The following PPP2R2D variants were observed in gnomAD, a reference collection of about 807,000 sequenced individuals.
The protein encoded by PPP2R2D is serine/threonine-protein phosphatase 2A 55 kDa regulatory subunit B delta isoform.
A neutral mutation model predicts 31.1 loss-of-function variants in PPP2R2D; 9 were observed. The ratio of observed to expected loss-of-function variants is 0.29; its 90% CI spans 0.17 to 0.51. The LOEUF (loss-of-function observed/expected upper bound fraction) is 0.51, where lower values mean the gene tolerates loss of function less well. Ranked by LOEUF, PPP2R2D falls within the 20% of genes least tolerant of loss-of-function variation. PPP2R2D has a pLI of 0.98. For missense variants in PPP2R2D, 391 were observed against 465.6 expected, an observed-to-expected ratio of 0.84 and a Z score of 1.48; for synonymous variants, 179 against 172.6, an observed-to-expected ratio of 1.04 and a Z score of -0.29.
intron 3 of PPP2R2D, among the ~76,000 whole-genome samples, chr10:131,935,504 G>A (rs1389684630): frequency 6.7e-6 from 1 of 149,788 alleles, no homozygotes; most frequent in African/African-American, 2.4e-5. Flanking sequence ...AGGAAGGGGA[G>A]CCTGGAGGAG....
At chr10:131,939,086 T>TCGG (rs2036395198) in intron 3 of PPP2R2D, among the ~76,000 whole-genome samples, 1 of 150,824 alleles carries the variant, frequency 6.6e-6, no homozygotes, top group Admixed American at 6.6e-5. Flanking sequence ...CAGGCTGCAT[T>TCGG]CAGCAGACCT....
At position 131,901,345 on chromosome 10, in the gene PPP2R2D, G is replaced by C; in HGVS notation, c.100+15G>C. 1 of 356,798 alleles carries C rather than the reference G, an allele frequency of 2.8e-6. No individual in the cohort carries two copies. The highest frequency in any genetic ancestry group is 2.1e-5 in the African/African-American group (1 of 46,808). The allele number at this position is 356,798 out of a possible 1,614,324, so 22.1% of individuals were successfully genotyped here. On this transcript the variant is annotated intron_variant, in intron 2 of 8. Transcript: ENST00000455566. ...CGTGGCCGAAGGTGAGCCCCGCGCC[G>C]CGCCCCGCCCCGGGACCCTCGCGGA...
intron 5 of PPP2R2D, among the ~76,000 whole-genome samples, chr10:131,941,130 T>C (rs955473257): frequency 2.0e-5 from 3 of 152,200 alleles, no homozygotes; most frequent in South Asian, 4.2e-4. Context: ...GGGAATTTCT[T>C]TGGGGTTGGT....
At chr10:131,907,986 C>T (rs2035624419) in intron 2 of PPP2R2D, among the ~76,000 whole-genome samples, 1 of 152,176 alleles carries the variant, frequency 6.6e-6, no homozygotes, top group African/African-American at 2.4e-5. Flanking sequence ...TTCTGAGCTT[C>T]AGCTCGCTTA....
chr10:131,952,563 G>T (rs2036677826), intron 8 of PPP2R2D, among the ~76,000 whole-genome samples: 1 of 61,304 alleles, frequency 1.6e-5, no homozygotes, highest in East Asian at 7.1e-4. Flanking sequence ...TGTGCGGGGG[G>T]TTCACTAGTG....
chr10:131,960,222 G>A (rs1194038316), downstream of PPP2R2D, among the ~76,000 whole-genome samples: 1 of 152,204 alleles, frequency 6.6e-6, no homozygotes, highest in East Asian at 1.9e-4. Context: ...AGGAAGACGT[G>A]CCCTCAACAG....
chr10:131,917,989 T>C (rs1289890613), intron 2 of PPP2R2D, among the ~76,000 whole-genome samples: 1 of 122,472 alleles, frequency 8.2e-6, no homozygotes, highest in Non-Finnish European at 1.7e-5. Flanking sequence ...ACACAGTGTT[T>C]GCAGGGACCT....
intron 2 of PPP2R2D, among the ~76,000 whole-genome samples, chr10:131,903,466 C>CAA (rs1175160035): frequency 0.012 from 887 of 73,434 alleles, 20 homozygotes; most frequent in African/African-American, 0.027. Context: ...GGCTCCATCT[C>CAA]AAAAAAAAAA....
At chr10:131,960,207 CGCGGAGGAAGACGTGCCCTCAACAGGT>C (rs1393350935), downstream of PPP2R2D, among the ~76,000 whole-genome samples, 1 of 152,166 alleles carries the variant, frequency 6.6e-6, no homozygotes, top group East Asian at 1.9e-4. Flanking sequence ...CCTCAACAGG[CGCGGAGGAAGACGTGCCCTCAACAGGT>C]GCGGAGAAAA....
chr10:131,965,199 G>A, the PPP2R2D span, among the ~76,000 whole-genome samples: 6 of 152,344 alleles, frequency 3.9e-5, no homozygotes, highest in South Asian at 1.2e-3. Flanking sequence ...GCTGGCAGGG[G>A]TGCTAGCTGC....
intron 2 of PPP2R2D, among the ~76,000 whole-genome samples, chr10:131,928,216 G>A (rs539815609): frequency 2.0e-5 from 3 of 152,276 alleles, no homozygotes; most frequent in African/African-American, 4.8e-5. Context: ...TAGTGCCTCC[G>A]GTAGGGCGCT....
At chr10:131,910,625 T>C (rs2035667084) in intron 2 of PPP2R2D, among the ~76,000 whole-genome samples, 1 of 152,244 alleles carries the variant, frequency 6.6e-6, no homozygotes, top group Non-Finnish European at 1.5e-5. Flanking sequence ...CTAGTTCAGC[T>C]TGTGTGATAC....
intron 8 of PPP2R2D, among the ~76,000 whole-genome samples, chr10:131,951,691 C>A (rs567188210): frequency 7.9e-5 from 12 of 152,232 alleles, no homozygotes; most frequent in Admixed American, 2.6e-4. Context: ...CATGGTGGTG[C>A]ATGCCTTTAA....
intron 6 of PPP2R2D, among the ~76,000 whole-genome samples, chr10:131,944,899 G>A (rs1554897732): frequency 1.3e-5 from 2 of 152,146 alleles, no homozygotes; most frequent in Admixed American, 6.5e-5. Flanking sequence ...AGCATCTTTT[G>A]GAATTTGGCG....
At chr10:131,903,823 G>A (rs977060960) in intron 2 of PPP2R2D, among the ~76,000 whole-genome samples, 3 of 152,218 alleles carry the variant, frequency 2.0e-5, no homozygotes, top group East Asian at 1.9e-4. Context: ...AAGTGTAGTC[G>A]TTAGTCACCA....
chr10:131,917,105 A>C (rs1316092967), intron 2 of PPP2R2D, among the ~76,000 whole-genome samples: 2 of 147,692 alleles, frequency 1.4e-5, no homozygotes, highest in Non-Finnish European at 3.0e-5. Context: ...GGGTGGAATG[A>C]CACAGTGTTT....
At chr10:131,926,081 C>T (rs570093237) in intron 2 of PPP2R2D, among the ~76,000 whole-genome samples, 1 of 152,320 alleles carries the variant, frequency 6.6e-6, no homozygotes, top group East Asian at 1.9e-4. Context: ...CAGAGATTCC[C>T]TTGGGACCTT....
intron 8 of PPP2R2D, among the ~76,000 whole-genome samples, chr10:131,948,533 CT>C (rs2036582430): frequency 6.6e-6 from 1 of 152,182 alleles, no homozygotes; most frequent in Admixed American, 6.5e-5. Context: ...GCAGGTGTCT[CT>C]TCAGGTGCAT....
At chr10:131,971,218 G>T in the PPP2R2D span, 5 of 517,302 alleles carry the variant, frequency 9.7e-6, no homozygotes, top group South Asian at 6.2e-5. Context: ...CCCCACTCAG[G>T]GCGTAAATAC....
Sources: gnomAD v4.1 joint callset for allele counts (sites outside exome capture counted in the v4.1 genomes callset) on GRCh38, gnomAD v4.1.1 for gene constraint, MANE v1.5 for transcripts, NCBI Gene and HGNC (gene_info 2026-07-23, HGNC 2026-07-21) for gene names.